Variants in C2orf80 observed in about 807,000 individuals in gnomAD.
The protein encoded by C2orf80 is uncharacterized protein C2orf80.
In C2orf80, 28 loss-of-function variants were observed where a neutral mutation model predicts 30.2. That is an observed-to-expected ratio of 0.93 (90% CI 0.69 to 1.27). The LOEUF (loss-of-function observed/expected upper bound fraction) is 1.27, where lower values mean the gene tolerates loss of function less well. Ranked by LOEUF, C2orf80 falls within the 50% of genes most tolerant of loss-of-function variation. C2orf80 has a pLI of 0.00. For synonymous variants in C2orf80, 80 were observed against 76.4 expected (o/e 1.05, Z -0.24); for missense variants, 220 against 231.0 (o/e 0.95, Z 0.31).
At chr2:208,174,359 C>T (rs1696208345) in intron 6 of C2orf80, among the ~76,000 whole-genome samples, 1 of 152,152 alleles carries the variant, frequency 6.6e-6, no homozygotes, top group Non-Finnish European at 1.5e-5. Context: ...GAGTCAGCAT[C>T]CTCCAAAAAG....
rs115270090 is a variant in C2orf80 at position 208,178,113 on chromosome 2, C to T, written c.366+2632G>A. Among the ~76,000 whole-genome samples, 629 of 152,222 alleles carry T rather than the reference C, an allele frequency of 4.1e-3. 5 individuals are homozygous for T. Among genetic ancestry groups the T allele is most frequent in the African/African-American group, 0.014 (589 of 41,534 alleles). On this transcript the variant is annotated intron_variant, in intron 6 of 8. Coordinates refer to ENST00000341287, the MANE Select transcript of C2orf80 (RefSeq NM_001099334.3). ...TATTACAGGCATGAGCTACCGCGCC[C>T]AGCCTTCTAGCAACTTTAAATGAAC...
intron 7 of C2orf80, 57 bp downstream of exon 7, chr2:208,171,931 C>T: frequency 7.1e-7 from 1 of 1,417,226 alleles, no homozygotes; most frequent in South Asian, 1.1e-5. Flanking sequence ...GAGCCTACTT[C>T]CTAATTTCCT....
At chr2:208,168,462 A>C (rs954709161) in intron 8 of C2orf80, 1 of 237,604 alleles carries the variant, frequency 4.2e-6, no homozygotes, top group African/African-American at 2.4e-5. Context: ...TCGCGAGGTC[A>C]GGAGATCGAG....
chr2:208,166,797 G>A (rs1385939323), intron 8 of C2orf80, among the ~76,000 whole-genome samples: 2 of 152,050 alleles, frequency 1.3e-5, no homozygotes, highest in Non-Finnish European at 2.9e-5. Flanking sequence ...GGGACTACAG[G>A]CGCCACCACG....
intron 4 of C2orf80, among the ~76,000 whole-genome samples, chr2:208,182,607 T>C (rs1452545319): frequency 6.6e-6 from 1 of 152,174 alleles, no homozygotes; most frequent in Non-Finnish European, 1.5e-5. Flanking sequence ...TACCATATTG[T>C]CCAGGTTGGT....
rs1559340820 is a variant in C2orf80 at position 208,177,014 on chromosome 2, G to GTATACATAT, written c.366+3730_366+3731insATATGTATA. On this transcript the variant is annotated intron_variant, in intron 6 of 8. Coordinates refer to ENST00000341287, the MANE Select transcript of C2orf80 (RefSeq NM_001099334.3). ...ATGTATACATATATACATATATACA[G>GTATACATAT]ATACATATATACAGATATAGTACAC... Among the ~76,000 whole-genome samples the GTATACATAT allele has an allele frequency of 2.9e-3, 92 of 31,268 alleles. 5 individuals are homozygous for GTATACATAT. Among genetic ancestry groups the GTATACATAT allele is most frequent in the East Asian group, 0.01 (2 of 198 alleles). 20.5% of individuals were successfully genotyped at this position (31,268 alleles called of 152,430 possible).
intron 1 of C2orf80, chr2:208,189,746 T>A (rs1340320612): frequency 3.5e-6 from 2 of 573,118 alleles, no homozygotes; most frequent in East Asian, 3.0e-5. Context: ...ACTGGAAAGA[T>A]GTCAGCTGTC....
chr2:208,170,002 C>T (rs1394078660), intron 8 of C2orf80, among the ~76,000 whole-genome samples: 1 of 152,106 alleles, frequency 6.6e-6, no homozygotes, highest in Non-Finnish European at 1.5e-5. Context: ...CTCATGTAGT[C>T]CAGTCTATTC....
Position 208,187,028 on chromosome 2 carries a change from C to T in C2orf80, c.-42G>A. On this transcript the variant is annotated 5_prime_UTR_variant, in exon 2 of 9. The change creates a new upstream start codon in the 5' untranslated region. Coordinates refer to ENST00000341287, the MANE Select transcript of C2orf80 (RefSeq NM_001099334.3). ...GCTGAGCAGGTATCTGCAGCTAACACTACACTTAGACCCAGCTTCTCTGAG... is the reference window on the plus strand; with the variant it reads ...GCTGAGCAGGTATCTGCAGCTAACATTACACTTAGACCCAGCTTCTCTGAG... 6.2e-7 allele frequency: 1 copy of T among 1,601,770 alleles called. No individual in the cohort carries two copies. The highest frequency in any genetic ancestry group is 2.2e-5 in the East Asian group (1 of 44,836).
In C2orf80 at chr2:208,171,077, C is replaced by G; in HGVS notation, c.455-14G>C. On this transcript the variant is annotated splice_polypyrimidine_tract_variant and intron_variant, in intron 7 of 8. Transcript: ENST00000341287. ...TTGACTTGACACCTACAGACAGATG[C>G]AGTAACCATATCTGTATATAAAACT... The G allele has an allele frequency of 6.4e-7, 1 of 1,551,260 alleles. No homozygotes were observed. Among genetic ancestry groups the G allele is most frequent in the Non-Finnish European group, 8.9e-7 (1 of 1,122,706 alleles).
chr2:208,180,482 G>C (rs1696520864), intron 6 of C2orf80, among the ~76,000 whole-genome samples: 1 of 151,458 alleles, frequency 6.6e-6, no homozygotes, highest in Non-Finnish European at 1.5e-5. Flanking sequence ...ACAGAGTAAA[G>C]TTTTGCCCCC....
intron 6 of C2orf80, among the ~76,000 whole-genome samples, chr2:208,176,938 T>TCTGTATACATATGTATACAG (rs1433041609): frequency 1.9e-5 from 1 of 52,026 alleles, no homozygotes; most frequent in Non-Finnish European, 4.3e-5. Flanking sequence ...TATGTATACA[T>TCTGTATACATATGTATACAG]ATCTGTATAC....
rs747413350 is a variant in C2orf80, at chr2:208,171,075, T to G, written c.455-12A>C. 1.3e-6 allele frequency: 2 copies of G among 1,569,264 alleles called. No homozygotes were observed. The highest frequency in any genetic ancestry group is 1.3e-5 in the African/African-American group (1 of 74,136). On this transcript the variant is annotated splice_polypyrimidine_tract_variant and intron_variant, in intron 7 of 8. Coordinates refer to ENST00000341287, the MANE Select transcript of C2orf80 (RefSeq NM_001099334.3). ...TCTTGACTTGACACCTACAGACAGA[T>G]GCAGTAACCATATCTGTATATAAAA...
chr2:208,166,181 AT>A (rs1045224385), intron 8 of C2orf80, among the ~76,000 whole-genome samples: 1 of 152,188 alleles, frequency 6.6e-6, no homozygotes, highest in African/African-American at 2.4e-5. Flanking sequence ...ATTTAAGAGA[AT>A]TACTTTGTTC....
In C2orf80 at chr2:208,168,400, G is replaced by A. The variant is rs550262043; in HGVS notation, c.573+2545C>T. 377 of 306,814 alleles carry A rather than the reference G, an allele frequency of 1.2e-3. 1 individual carries two copies. The highest frequency in any genetic ancestry group is 8.1e-3 in the African/African-American group (350 of 43,002). 19.0% of individuals were successfully genotyped at this position (306,814 alleles called of 1,614,324 possible). On this transcript the variant is annotated intron_variant, in intron 8 of 8. Coordinates refer to ENST00000341287, the MANE Select transcript of C2orf80 (RefSeq NM_001099334.3). ...ACATTACCCAAGAGTTGGGCCGGGC[G>A]CGGTGGCTCAAGCCTGTAATCCCAG...
chr2:208,166,659 T>A lies in C2orf80; in HGVS notation c.574-844A>T, dbSNP rs1001244985. Reference sequence around the variant, plus strand: ...TATTGCTTGCCACTGTCCTGACACTTTTTTTTTTTGAGACGGTGTCTCACT... The same window carrying A: ...TATTGCTTGCCACTGTCCTGACACTATTTTTTTTTGAGACGGTGTCTCACT... On this transcript the variant is annotated intron_variant, in intron 8 of 8. Coordinates refer to ENST00000341287, the MANE Select transcript of C2orf80 (RefSeq NM_001099334.3). Among the ~76,000 whole-genome samples the A allele has an allele frequency of 1.9e-4, 29 of 151,430 alleles. No homozygotes were observed. In the South Asian group the frequency reaches 2.7e-3, roughly 14 times the overall value.
Position 208,176,955 on chromosome 2 carries a change from GTATACATA to G in C2orf80, c.366+3782_366+3789del, listed in dbSNP as rs1696351772. Among the ~76,000 whole-genome samples the G allele has an allele frequency of 7.8e-5, 5 of 64,084 alleles. 1 individual carries two copies. Among genetic ancestry groups the G allele is most frequent in the African/African-American group, 2.6e-4 (5 of 19,164 alleles). 42.0% of individuals were successfully genotyped at this position (64,084 alleles called of 152,430 possible). On this transcript the variant is annotated intron_variant, in intron 6 of 8. Transcript: ENST00000341287. Reference sequence around the variant, plus strand: ...TGTATACATATCTGTATACATATCTGTATACATATGTATACATATATACAGAAATGTAT... The same window carrying G: ...TGTATACATATCTGTATACATATCTGTGTATACATATATACAGAAATGTAT...
chr2:208,182,910 T>G, intron 4 of C2orf80, 55 bp downstream of exon 4: 1 of 1,369,408 alleles, frequency 7.3e-7, no homozygotes, highest in Non-Finnish European at 1.0e-6. Flanking sequence ...ACTTCCTCTA[T>G]CATTAATCAT....
At chr2:208,172,978 G>A (rs768512462) in intron 6 of C2orf80, among the ~76,000 whole-genome samples, 2 of 152,030 alleles carry the variant, frequency 1.3e-5, no homozygotes, top group African/African-American at 2.4e-5. Context: ...AATTAAGCGA[G>A]TGTGGTAGTG....
Sources: allele counts gnomAD v4.1 joint callset (sites outside exome capture counted in the v4.1 genomes callset), GRCh38; gene constraint gnomAD v4.1.1; transcripts MANE v1.5; gene names NCBI Gene and HGNC (gene_info 2026-07-23, HGNC 2026-07-21).